The following ERCC1 variants were observed in gnomAD, a reference collection of about 807,000 sequenced individuals.
ERCC1 encodes the protein DNA excision repair protein ERCC-1.
ERCC1 carries 36 observed loss-of-function variants against 37.6 expected under a neutral mutation model. The observed-to-expected ratio is 0.96, with a 90% CI of 0.73 to 1.26. ERCC1 has a LOEUF of 1.26. ERCC1 is among the 50% of genes most tolerant of loss of function. The pLI is 0.00. For missense variants in ERCC1, 349 were observed against 376.5 expected, an observed-to-expected ratio of 0.93 and a Z score of 0.60; for synonymous variants, 156 against 162.1, an observed-to-expected ratio of 0.96 and a Z score of 0.28.
intron 9 of ERCC1, among the ~76,000 whole-genome samples, chr19:45,411,020 C>T (rs1184515886): frequency 6.6e-6 from 1 of 152,150 alleles, no homozygotes; most frequent in Non-Finnish European, 1.5e-5. Context: ...GACAAGGTTT[C>T]ACCACGTTGG....
intron 1 of ERCC1, among the ~76,000 whole-genome samples, chr19:45,447,719 C>T (rs1390306419): frequency 6.6e-6 from 1 of 152,144 alleles, no homozygotes; most frequent in Non-Finnish European, 1.5e-5. Flanking sequence ...TTGTCCCTGG[C>T]TGTGTGTTTC....
At chr19:45,448,166 C>A (rs1386860049) in intron 1 of ERCC1, among the ~76,000 whole-genome samples, 2 of 152,186 alleles carry the variant, frequency 1.3e-5, no homozygotes, top group African/African-American at 4.8e-5. Flanking sequence ...GCCATCGCGC[C>A]CGGTCGTCTT....
chr19:45,422,570 A>G (rs1974503599), intron 2 of ERCC1, among the ~76,000 whole-genome samples: 1 of 152,102 alleles, frequency 6.6e-6, no homozygotes, highest in African/African-American at 2.4e-5. Context: ...GTTCGAGACC[A>G]GCCTGACCAA....
chr19:45,414,437 A>T, intron 7 of ERCC1: 1 of 348,724 alleles, frequency 2.9e-6, no homozygotes. Flanking sequence ...AGATCATGTC[A>T]TTGCACTCCA....
In ERCC1 at chr19:45,409,021, G is replaced by A. The variant is rs1314676040; in HGVS notation, c.*654C>T. The A allele has an allele frequency of 5.0e-6, 8 of 1,614,116 alleles. No individual in the cohort carries two copies. The highest frequency in any genetic ancestry group is 1.1e-5 in the South Asian group (1 of 91,080). On this transcript the variant is annotated 3_prime_UTR_variant, in exon 10 of 10. Coordinates refer to ENST00000300853, the MANE Select transcript of ERCC1 (RefSeq NM_001983.4). ...GGACGGAGGCGATGGAGCCAGTGGA[G>A]CCGGAGATGAAGCCTCTGGAGTCCC...
Position 45,421,296 on chromosome 19 carries a change from G to A in ERCC1, c.203C>T (p.Pro68Leu), listed in dbSNP as rs1335834134. The change falls in exon 3 of 10, where the codon CCT becomes CTT. Residue 68 changes from proline (P) to leucine (L), a missense_variant. Pro to Leu is a moderately conservative substitution (Grantham distance 98). Transcript: ENST00000300853. ...GCACGTGGCCCCAGCCCCTTCCAGA[G>A]GCTGTGAGATGGCATATTCGGCGTA... ...QTYAEYAISQPLEGAGATCPT... is the reference protein window; with the variant it reads ...QTYAEYAISQLLEGAGATCPT... The A allele has an allele frequency of 8.7e-6, 14 of 1,614,078 alleles. No homozygotes were observed. Among genetic ancestry groups the A allele is most frequent in the Non-Finnish European group, 1.2e-5 (14 of 1,180,042 alleles).
At chr19:45,426,567 A>AT (rs1212508216), upstream of ERCC1, among the ~76,000 whole-genome samples, 342 of 149,756 alleles carry the variant, frequency 2.3e-3, 3 homozygotes, top group African/African-American at 7.6e-3. Context: ...AAAAAAAAAA[A>AT]TTTTTTTTGA....
intron 9 of ERCC1, among the ~76,000 whole-genome samples, chr19:45,411,024 A>T (rs1973704000): frequency 6.6e-6 from 1 of 152,102 alleles, no homozygotes; most frequent in African/African-American, 2.4e-5. Flanking sequence ...AGGTTTCACC[A>T]CGTTGGCCAG....
chr19:45,438,403 C>T (rs1175992690), intron 1 of ERCC1, among the ~76,000 whole-genome samples: 2 of 152,088 alleles, frequency 1.3e-5, no homozygotes, highest in Non-Finnish European at 2.9e-5. Context: ...GCAATATACA[C>T]CCAGAAGTGG....
chr19:45,412,562 A>G (rs889272696), intron 9 of ERCC1, among the ~76,000 whole-genome samples: 35 of 152,128 alleles, frequency 2.3e-4, no homozygotes, highest in African/African-American at 8.4e-4. Context: ...GTTAATTCAA[A>G]TATTTTGCCC....
At chr19:45,427,853 C>T (rs1974733800), upstream of ERCC1, among the ~76,000 whole-genome samples, 1 of 152,098 alleles carries the variant, frequency 6.6e-6, no homozygotes, top group African/African-American at 2.4e-5. Flanking sequence ...CCAGCGGGGG[C>T]AGGACCCCCT....
intron 9 of ERCC1, 170 bp from the exon 10 acceptor site, chr19:45,409,895 A>ATTT (rs57573120): frequency 1.1e-3 from 196 of 171,570 alleles, no homozygotes; most frequent in South Asian, 9.6e-3. Flanking sequence ...TATTATTATT[A>ATTT]TTTTTTTTTT....
intron 1 of ERCC1, among the ~76,000 whole-genome samples, chr19:45,447,096 C>A (rs2123620828): frequency 6.6e-6 from 1 of 152,256 alleles, no homozygotes; most frequent in African/African-American, 2.4e-5. Context: ...GAGGGTCCAC[C>A]CAGAACCTCC....
In ERCC1 at chr19:45,407,805, C is replaced by T. The variant is rs1003138740; in HGVS notation, c.*1870G>A. On this transcript the variant is annotated 3_prime_UTR_variant, in exon 10 of 10. Coordinates refer to ENST00000300853, the MANE Select transcript of ERCC1 (RefSeq NM_001983.4). ...GGCGCAGTGGCTGGTGCCTGTAATCCCATCCTTTGGGAGGCCGAGGCGAGC... is the reference window on the plus strand; with the variant it reads ...GGCGCAGTGGCTGGTGCCTGTAATCTCATCCTTTGGGAGGCCGAGGCGAGC... 7.8e-5 allele frequency: 21 copies of T among 267,938 alleles called. No individual in the cohort carries two copies. The highest frequency in any genetic ancestry group is 1.3e-4 in the Non-Finnish European group (19 of 141,180). 16.6% of individuals were successfully genotyped at this position (267,938 alleles called of 1,614,324 possible).
intron 1 of ERCC1, among the ~76,000 whole-genome samples, chr19:45,440,016 G>A (rs1975078818): frequency 6.6e-6 from 1 of 152,160 alleles, no homozygotes; most frequent in African/African-American, 2.4e-5. Flanking sequence ...GGGAGCGGAA[G>A]GGGGAGCGCG....
chr19:45,451,217 G>A (rs62109569), intron 1 of ERCC1, among the ~76,000 whole-genome samples: 13,759 of 152,128 alleles, frequency 0.09, 1,152 homozygotes, highest in East Asian at 0.21. Flanking sequence ...CCTCCTCCCC[G>A]GCATGTCCGT....
chr19:45,418,113 C>A (rs1283521766), intron 5 of ERCC1, among the ~76,000 whole-genome samples: 1 of 151,864 alleles, frequency 6.6e-6, no homozygotes, highest in Non-Finnish European at 1.5e-5. Context: ...CCTGTAATCC[C>A]AACACTTTAG....
At chr19:45,427,360 G>C (rs563148589), upstream of ERCC1, among the ~76,000 whole-genome samples, 5 of 151,966 alleles carry the variant, frequency 3.3e-5, no homozygotes, top group Admixed American at 6.6e-5. Context: ...CTGTAATCTC[G>C]GCACTTTGGG....
upstream of ERCC1, among the ~76,000 whole-genome samples, chr19:45,427,590 G>A (rs541288336): frequency 6.6e-6 from 1 of 152,278 alleles, no homozygotes; most frequent in South Asian, 2.1e-4. Flanking sequence ...CTCTAGCCTG[G>A]GCGACAGAGC....
Sources: gnomAD v4.1 joint callset for allele counts (sites outside exome capture counted in the v4.1 genomes callset) on GRCh38, gnomAD v4.1.1 for gene constraint, MANE v1.5 for transcripts, NCBI Gene and HGNC (gene_info 2026-07-23, HGNC 2026-07-21) for gene names.